The following CNOT4 variants were observed in gnomAD, a reference collection of about 807,000 sequenced individuals.
CNOT4 encodes CCR4-NOT transcription complex subunit 4, also known as CCR4-associated factor 4.
Under a neutral mutation model 73.8 loss-of-function variants are expected in CNOT4, and 8 were observed. That is an observed-to-expected ratio of 0.11 (90% confidence interval 0.06 to 0.20). CNOT4 has a LOEUF of 0.20. CNOT4 is among the 10% of genes least tolerant of loss of function. CNOT4 has a pLI of 1.00. For synonymous variants in CNOT4, 293 were observed against 321.1 expected, an observed-to-expected ratio of 0.91 and a Z score of 0.94; for missense variants, 564 against 883.4, an observed-to-expected ratio of 0.64 and a Z score of 4.58.
intron 1 of CNOT4, among the ~76,000 whole-genome samples, chr7:135,492,509 GAC>G (rs1187351185): frequency 6.6e-6 from 1 of 152,192 alleles, no homozygotes; most frequent in African/African-American, 2.4e-5. Flanking sequence ...TCAGTGGACT[GAC>G]AGTTTTAATG....
intron 7 of CNOT4, among the ~76,000 whole-genome samples, chr7:135,404,491 G>A (rs1298940923): frequency 6.6e-6 from 1 of 152,096 alleles, no homozygotes; most frequent in Non-Finnish European, 1.5e-5. Flanking sequence ...TAAAATTTCA[G>A]TGTTCACAAA....
chr7:135,432,851 C>A (rs1366182139), intron 2 of CNOT4, among the ~76,000 whole-genome samples: 1 of 152,218 alleles, frequency 6.6e-6, no homozygotes, highest in Non-Finnish European at 1.5e-5. Flanking sequence ...TCAGAAGTAT[C>A]TTCTAGCTTG....
At chr7:135,453,809 TA>T (rs1407242070) in intron 1 of CNOT4, among the ~76,000 whole-genome samples, 1 of 127,476 alleles carries the variant, frequency 7.8e-6, no homozygotes, top group Non-Finnish European at 1.6e-5. Flanking sequence ...TAAATATATA[TA>T]ATAAATATAT....
At chr7:135,472,410 G>A (rs1331087498) in intron 1 of CNOT4, among the ~76,000 whole-genome samples, 1 of 140,874 alleles carries the variant, frequency 7.1e-6, no homozygotes, top group African/African-American at 2.7e-5. Flanking sequence ...CTGGGACGCG[G>A]AGCTTGCAGC....
chr7:135,442,395 G>A (rs982028590), intron 1 of CNOT4, among the ~76,000 whole-genome samples: 4 of 151,918 alleles, frequency 2.6e-5, no homozygotes, highest in African/African-American at 9.7e-5. Context: ...TCAGGAGTTC[G>A]AGACCAGCCT....
chr7:135,416,320 T>C (rs1162646987), intron 3 of CNOT4, among the ~76,000 whole-genome samples: 2 of 152,202 alleles, frequency 1.3e-5, no homozygotes, highest in African/African-American at 2.4e-5. Flanking sequence ...CATTAATTCT[T>C]AGTCTTCTAC....
chr7:135,400,123 G>A (rs942748592), intron 7 of CNOT4, among the ~76,000 whole-genome samples: 3 of 151,968 alleles, frequency 2.0e-5, no homozygotes, highest in East Asian at 3.8e-4. Context: ...AGGGGGAAAG[G>A]GGAAAGAACA....
intron 1 of CNOT4, among the ~76,000 whole-genome samples, chr7:135,482,908 C>G (rs1802474093): frequency 6.7e-6 from 1 of 149,002 alleles, no homozygotes; most frequent in Admixed American, 6.7e-5. Context: ...ATCTCCTGAG[C>G]CTGGGAAGTG....
At chr7:135,463,851 C>A (rs1801043387) in intron 1 of CNOT4, among the ~76,000 whole-genome samples, 1 of 150,996 alleles carries the variant, frequency 6.6e-6, no homozygotes, top group African/African-American at 2.4e-5. Flanking sequence ...AACAAACAAT[C>A]TCATTAAAAA....
chr7:135,468,333 G>T (rs1385120690), intron 1 of CNOT4, among the ~76,000 whole-genome samples: 1 of 152,040 alleles, frequency 6.6e-6, no homozygotes, highest in African/African-American at 2.4e-5. Context: ...CAGAAGCAAA[G>T]GAACAATACA....
intron 1 of CNOT4, among the ~76,000 whole-genome samples, chr7:135,489,595 C>T (rs764941083): frequency 1.3e-5 from 2 of 151,840 alleles, no homozygotes; most frequent in African/African-American, 2.4e-5. Flanking sequence ...AGGGTTTCTC[C>T]ATGTTGGCCA....
intron 4 of CNOT4, 66 bp from the exon 5 acceptor site, chr7:135,414,498 C>T (rs1015764993): frequency 1.9e-5 from 14 of 749,656 alleles, no homozygotes; most frequent in Non-Finnish European, 7.1e-6. Flanking sequence ...AAAAATTCTA[C>T]TGCAACCTAG....
chr7:135,506,334 T>C (rs1326114073), intron 1 of CNOT4, among the ~76,000 whole-genome samples: 1 of 152,210 alleles, frequency 6.6e-6, no homozygotes, highest in Non-Finnish European at 1.5e-5. Context: ...CTCTATAACC[T>C]ATTTCCCTAC....
intron 1 of CNOT4, among the ~76,000 whole-genome samples, chr7:135,443,483 C>T (rs189568937): frequency 1.3e-4 from 20 of 152,220 alleles, no homozygotes; most frequent in African/African-American, 4.8e-4. Flanking sequence ...AAAACAGGAC[C>T]CAACTTCAAA....
chr7:135,442,595 C>A (rs115701743), intron 1 of CNOT4, among the ~76,000 whole-genome samples: 1 of 151,836 alleles, frequency 6.6e-6, no homozygotes, highest in Non-Finnish European at 1.5e-5. Context: ...GCAAAAACTT[C>A]GTTTCAAAAA....
chr7:135,487,702 C>CT (rs1563078841), intron 1 of CNOT4, among the ~76,000 whole-genome samples: 1 of 151,958 alleles, frequency 6.6e-6, no homozygotes, highest in Admixed American at 6.6e-5. Context: ...TCATGCATTG[C>CT]TTTTTAAAAA....
At chr7:135,496,980 T>C (rs1345468298) in intron 1 of CNOT4, among the ~76,000 whole-genome samples, 1 of 152,010 alleles carries the variant, frequency 6.6e-6, no homozygotes, top group Non-Finnish European at 1.5e-5. Flanking sequence ...ATAATTATTT[T>C]TTTTTTTTAA....
chr7:135,412,809 C>G (rs998222315), intron 6 of CNOT4, among the ~76,000 whole-genome samples: 1 of 151,906 alleles, frequency 6.6e-6, no homozygotes, highest in Admixed American at 6.6e-5. Flanking sequence ...TAGGGAAGTG[C>G]AGCATTGTGC....
chr7:135,372,743 G>A (rs1795286025), intron 10 of CNOT4, among the ~76,000 whole-genome samples: 1 of 152,036 alleles, frequency 6.6e-6, no homozygotes, highest in South Asian at 2.1e-4. Context: ...TTTTAGTAGA[G>A]ACAGGGTTTT....
Sources: gnomAD v4.1 joint callset for allele counts (sites outside exome capture counted in the v4.1 genomes callset) on GRCh38, gnomAD v4.1.1 for gene constraint, MANE v1.5 for transcripts, NCBI Gene and HGNC (gene_info 2026-07-23, HGNC 2026-07-21) for gene names.